Variants in PALS2 observed in about 807,000 individuals in gnomAD.
PALS2 encodes the protein protein associated with LIN7 2, MAGUK p55 family member.
PALS2 carries 27 observed loss-of-function variants against 61.6 expected under a neutral mutation model. That is an observed-to-expected ratio of 0.44 (90% CI 0.32 to 0.60). The LOEUF (loss-of-function observed/expected upper bound fraction) is 0.60, where lower values mean the gene tolerates loss of function less well. PALS2 is among the 20% of genes least tolerant of loss of function. PALS2 has a pLI of 0.05. For missense variants in PALS2, 554 were observed against 639.4 expected (o/e 0.87, Z 1.44); for synonymous variants, 236 against 218.6 (o/e 1.08, Z -0.70).
At chr7:24,592,255 T>C (rs1357182249) in intron 1 of PALS2, among the ~76,000 whole-genome samples, 1 of 152,158 alleles carries the variant, frequency 6.6e-6, no homozygotes, top group Non-Finnish European at 1.5e-5. Context: ...TGGTAAGTGC[T>C]GTATATTGTA....
chr7:24,665,463 T>G, intron 6 of PALS2, 125 bp from the exon 7 acceptor site: 1 of 737,106 alleles, frequency 1.4e-6, no homozygotes, highest in Non-Finnish European at 2.3e-6. Flanking sequence ...GCTATGGATT[T>G]AAATCTCAAG....
intron 5 of PALS2, among the ~76,000 whole-genome samples, chr7:24,656,625 T>C (rs1227072726): frequency 6.6e-6 from 1 of 152,084 alleles, no homozygotes; most frequent in Non-Finnish European, 1.5e-5. Flanking sequence ...AGGGCTCAGA[T>C]AATCCTTCTA....
At chr7:24,593,490 G>A (rs1367422347) in intron 1 of PALS2, among the ~76,000 whole-genome samples, 1 of 152,150 alleles carries the variant, frequency 6.6e-6, no homozygotes, top group African/African-American at 2.4e-5. Flanking sequence ...ATCCATCAGA[G>A]GAATCACTAT....
intron 1 of PALS2, among the ~76,000 whole-genome samples, chr7:24,617,341 G>T (rs548043353): frequency 6.6e-6 from 1 of 151,840 alleles, no homozygotes; most frequent in Non-Finnish European, 1.5e-5. Context: ...GTTTCCTTAC[G>T]ATTATTATTT....
intron 5 of PALS2, among the ~76,000 whole-genome samples, chr7:24,654,776 G>T (rs554776121): frequency 6.6e-6 from 1 of 152,258 alleles, no homozygotes; most frequent in East Asian, 1.9e-4. Context: ...CAGGAATGGG[G>T]TCTGATTATT....
At chr7:24,598,895 G>C (rs79267799) in intron 1 of PALS2, among the ~76,000 whole-genome samples, 2,651 of 152,234 alleles carry the variant, frequency 0.017, 32 homozygotes, top group Non-Finnish European at 0.027. Flanking sequence ...TATTTTTACT[G>C]TCAAAAATGT....
At chr7:24,576,362 C>T (rs1363958893) in intron 1 of PALS2, among the ~76,000 whole-genome samples, 1 of 152,166 alleles carries the variant, frequency 6.6e-6, no homozygotes, top group African/African-American at 2.4e-5. Flanking sequence ...GGAGACTTTA[C>T]AATTGGGCTT....
intron 1 of PALS2, among the ~76,000 whole-genome samples, chr7:24,578,032 C>T (rs1230912447): frequency 2.0e-5 from 3 of 152,016 alleles, no homozygotes; most frequent in Admixed American, 2.0e-4. Flanking sequence ...CAGCCTGGAA[C>T]TCCTAGGCTC....
rs560706130 is a variant in PALS2 at position 24,678,451 on chromosome 7, A to C, written c.1115-680A>C. ...AAAATAGAACAGTTAACATTTGGGA[A>C]TATCAATAAACAGGAAGCTAAAAGC... is the stretch of plus-strand genomic sequence containing the variant. On this transcript the variant is annotated intron_variant, in intron 9 of 11. Coordinates refer to ENST00000222644, the MANE Select transcript of PALS2 (RefSeq NM_001303037.2). 2.1e-3 allele frequency among the ~76,000 whole-genome samples: 316 copies of C among 152,356 alleles called. 1 individual carries two copies. Among genetic ancestry groups the C allele is most frequent in the Non-Finnish European group, 3.8e-3 (259 of 68,022 alleles).
chr7:24,653,676 C>T (rs775487649), intron 5 of PALS2, among the ~76,000 whole-genome samples: 9 of 152,106 alleles, frequency 5.9e-5, no homozygotes, highest in Non-Finnish European at 1.0e-4. Context: ...TCTGTTAAAA[C>T]AGATGATAAA....
At chr7:24,592,800 A>G (rs1047953736) in intron 1 of PALS2, among the ~76,000 whole-genome samples, 9 of 152,126 alleles carry the variant, frequency 5.9e-5, no homozygotes, top group South Asian at 2.1e-4. Context: ...TAAAGCTTAA[A>G]AATGCTAGTA....
chr7:24,667,956 A>G (rs147388784), intron 8 of PALS2, among the ~76,000 whole-genome samples: 5,921 of 151,774 alleles, frequency 0.039, 154 homozygotes, highest in Non-Finnish European at 0.058. Flanking sequence ...ATGAGCCACC[A>G]TGCCCAGCCC....
rs1351149433 is a variant in PALS2 at position 24,687,271 on chromosome 7, A to G, written c.1447-167A>G. 6.6e-6 allele frequency among the ~76,000 whole-genome samples: 1 copy of G among 152,222 alleles called. No individual in the cohort carries two copies. Among genetic ancestry groups the G allele is most frequent in the Non-Finnish European group, 1.5e-5 (1 of 68,036 alleles). On this transcript the variant is annotated intron_variant, in intron 11 of 11. Transcript: ENST00000222644. This position sits in a 1 kb window ranked among gnomAD's most constrained non-coding sequence, Gnocchi z 4.5. ...TGTTGTTGGAAAGAATAAGACATGAACAGATGGCAGTGTTGTCTTTAACAC... is the reference window on the plus strand; with the variant it reads ...TGTTGTTGGAAAGAATAAGACATGAGCAGATGGCAGTGTTGTCTTTAACAC...
chr7:24,637,470 C>G (rs750329517), intron 2 of PALS2, among the ~76,000 whole-genome samples: 4 of 151,166 alleles, frequency 2.6e-5, no homozygotes, highest in Non-Finnish European at 5.9e-5. Flanking sequence ...TTTTAGGTCT[C>G]TAGAATAAAA....
At position 24,687,250 on chromosome 7, in the gene PALS2, G is replaced by C. The variant is rs1439945554; in HGVS notation, c.1447-188G>C. Among the ~76,000 whole-genome samples, 1 of 152,174 alleles carries C rather than the reference G, an allele frequency of 6.6e-6. No individual in the cohort carries two copies. The highest frequency in any genetic ancestry group is 1.5e-5 in the Non-Finnish European group (1 of 68,036). ...ACTCATAAATGTAAACATGAGTGTT[G>C]TTGGAAAGAATAAGACATGAACAGA... On this transcript the variant is annotated intron_variant, in intron 11 of 11. Coordinates refer to ENST00000222644, the MANE Select transcript of PALS2 (RefSeq NM_001303037.2). This position sits in a 1 kb window ranked among gnomAD's most constrained non-coding sequence, Gnocchi z 4.5.
intron 1 of PALS2, among the ~76,000 whole-genome samples, chr7:24,620,877 C>G (rs1784474285): frequency 6.6e-6 from 1 of 152,008 alleles, no homozygotes. Flanking sequence ...CCATGAGTTG[C>G]TAATTGTTGG....
intron 2 of PALS2, 141 bp from the exon 3 acceptor site, chr7:24,641,575 C>G: frequency 4.6e-6 from 3 of 655,006 alleles, no homozygotes; most frequent in Non-Finnish European, 7.3e-6. Flanking sequence ...TATATTGCCT[C>G]TGGTTGAAGT....
intron 1 of PALS2, among the ~76,000 whole-genome samples, 155 bp from the exon 2 acceptor site, chr7:24,623,511 T>C (rs1324116494): frequency 6.6e-6 from 1 of 152,200 alleles, no homozygotes; most frequent in Non-Finnish European, 1.5e-5. Flanking sequence ...TCATACTGTT[T>C]AACAATTTCA....
chr7:24,652,618 A>G (rs533349615), intron 5 of PALS2, among the ~76,000 whole-genome samples: 28 of 152,162 alleles, frequency 1.8e-4, no homozygotes, highest in South Asian at 1.0e-3. Context: ...AAAGGGGAAC[A>G]TTACTCATAT....
Sources: gnomAD v4.1 joint callset for allele counts (sites outside exome capture counted in the v4.1 genomes callset) on GRCh38, gnomAD v4.1.1 for gene constraint, Gnocchi (gnomAD v3.1) non-coding constraint, MANE v1.5 for transcripts, NCBI Gene and HGNC (gene_info 2026-07-23, HGNC 2026-07-21) for gene names.